VLDLR: variants seen among roughly 807,000 people sequenced by gnomAD.
The protein encoded by VLDLR is very low density lipoprotein receptor.
A neutral mutation model predicts 112.7 loss-of-function variants in VLDLR; 81 were observed. That is an observed-to-expected ratio of 0.72 (90% CI 0.60 to 0.86). VLDLR has a LOEUF of 0.86. Among genes scored for constraint, VLDLR ranks in the 40% least tolerant of loss-of-function variants. The probability of loss-of-function intolerance (pLI) is 0.00; values close to 1 mark genes in which losing one functional copy is unlikely to be tolerated. For missense variants in VLDLR, 1,237 were observed against 1,099.4 expected, an observed-to-expected ratio of 1.13 and a Z score of -1.77; for synonymous variants, 436 against 384.8, an observed-to-expected ratio of 1.13 and a Z score of -1.56.
rs34927281 is a variant in VLDLR, at chr9:2,656,446, AAAAAT to A, written c.*2583_*2587del. On this transcript the variant is annotated 3_prime_UTR_variant, in exon 19 of 19. Coordinates refer to ENST00000382100, the MANE Select transcript of VLDLR (RefSeq NM_003383.5). Reference sequence around the variant, plus strand: ...CTGTCTCTACAAAAAAAAAATTTATAAAAATAAAAGAAAAAAATAGTTATATGACT... The same window carrying A: ...CTGTCTCTACAAAAAAAAAATTTATAAAAAGAAAAAAATAGTTATATGACT... 75,953 of 151,164 alleles carry A rather than the reference AAAAAT, an allele frequency of 0.5. 20,083 individuals are homozygous for A. The highest frequency in any genetic ancestry group is 0.95 in the East Asian group (4,832 of 5,104). The allele number at this position is 151,164 out of a possible 1,614,324, so 9.4% of individuals were successfully genotyped here.
At chr9:2,647,922 C>G (rs1438812807) in intron 12 of VLDLR, among the ~76,000 whole-genome samples, 1 of 152,128 alleles carries the variant, frequency 6.6e-6, no homozygotes, top group East Asian at 1.9e-4. Flanking sequence ...TTTCTTCTGG[C>G]TTTTTGGAGG....
chr9:2,639,625 A>G (rs2130785200), intron 2 of VLDLR, among the ~76,000 whole-genome samples: 1 of 152,268 alleles, frequency 6.6e-6, no homozygotes, highest in East Asian at 1.9e-4. Flanking sequence ...ATAATGGGCA[A>G]CCTCTGTCTG....
At chr9:2,623,563 G>A (rs1225677375) in intron 1 of VLDLR, among the ~76,000 whole-genome samples, 2 of 152,228 alleles carry the variant, frequency 1.3e-5, no homozygotes, top group Non-Finnish European at 2.9e-5. Context: ...GGGTTTTTAC[G>A]TCTCCGAATG....
chr9:2,643,461 G>A lies in VLDLR; in HGVS notation c.750G>A (p.Glu250=), dbSNP rs1462054156. 1 of 1,614,086 alleles carries A rather than the reference G, an allele frequency of 6.2e-7. No individual in the cohort carries two copies. Among genetic ancestry groups the A allele is most frequent in the Non-Finnish European group, 8.5e-7 (1 of 1,180,044 alleles). Residue 250 remains glutamate (E), a synonymous_variant, in exon 5 of 19, where the codon GAG becomes GAA. Coordinates refer to ENST00000382100, the MANE Select transcript of VLDLR (RefSeq NM_003383.5). ...PASEIQCGSG[E]CIHKKWRCDG... ...GCGAAATCCAGTGCGGCTCTGGCGA[G>A]TGCATCCATAAGAAGTGGCGATGTG...
intron 4 of VLDLR, 106 bp from the exon 5 acceptor site, chr9:2,643,054 T>C (rs762249873): frequency 6.4e-7 from 1 of 1,550,652 alleles, no homozygotes; most frequent in Admixed American, 1.7e-5. Context: ...GTTGGGCTAG[T>C]AAGTTAGGAT....
chr9:2,631,716 T>C (rs1012771444), intron 1 of VLDLR, among the ~76,000 whole-genome samples: 1 of 152,134 alleles, frequency 6.6e-6, no homozygotes, highest in East Asian at 1.9e-4. Context: ...AAACCTACAG[T>C]AAGGTAGAAG....
chr9:2,649,259 G>A (rs560927206), intron 14 of VLDLR, among the ~76,000 whole-genome samples: 1 of 152,266 alleles, frequency 6.6e-6, no homozygotes, highest in African/African-American at 2.4e-5. Flanking sequence ...CAGGAGGGTT[G>A]GTGCCTCTTG....
intron 14 of VLDLR, 107 bp from the exon 15 acceptor site, chr9:2,650,263 T>A: frequency 7.1e-7 from 1 of 1,411,996 alleles, no homozygotes. Flanking sequence ...AGTAGACAAG[T>A]TTAAGCTCTT....
At position 2,658,275 on chromosome 9, in the gene VLDLR, T is replaced by G. The variant is rs1394636850; in HGVS notation, c.*4407T>G. On this transcript the variant is annotated 3_prime_UTR_variant, in exon 19 of 19. Transcript: ENST00000382100. ...TACTAACAAACTGATAACAGTGGTG[T>G]TCCATCTCTCTATCATGTCTCCTGA... The G allele has an allele frequency of 1.3e-5, 2 of 152,214 alleles. No individual in the cohort carries two copies. The highest frequency in any genetic ancestry group is 1.5e-5 in the Non-Finnish European group (1 of 68,046). The allele number at this position is 152,214 out of a possible 1,614,324, so 9.4% of individuals were successfully genotyped here. A position where few individuals can be genotyped will look rare whatever the true frequency, so the allele number is the denominator to read the frequency against.
chr9:2,656,617 T>C lies in VLDLR; in HGVS notation c.*2749T>C, dbSNP rs73382895. ...TGTCTCTAGAGTTCAATGTAGAAGA[T>C]AATTAAGAGGTAAAATATGAAGCTT... On this transcript the variant is annotated 3_prime_UTR_variant, in exon 19 of 19. Coordinates refer to ENST00000382100, the MANE Select transcript of VLDLR (RefSeq NM_003383.5). The C allele has an allele frequency of 9.7e-4, 148 of 152,218 alleles. No homozygotes were observed. Among genetic ancestry groups the C allele is most frequent in the African/African-American group, 3.4e-3 (140 of 41,542 alleles). 9.4% of individuals were successfully genotyped at this position (152,218 alleles called of 1,614,324 possible).
chr9:2,643,633 C>T lies in VLDLR; in HGVS notation c.826C>T (p.Arg276Ter), dbSNP rs955974361. 2.5e-6 allele frequency: 4 copies of T among 1,614,166 alleles called. No individual in the cohort carries two copies. Among genetic ancestry groups the T allele is most frequent in the Non-Finnish European group, 3.4e-6 (4 of 1,180,050 alleles). The change falls in exon 6 of 19, where the codon CGA becomes TGA. Residue 276 changes from arginine to a stop codon, truncating the protein, a stop_gained. Transcript: ENST00000382100. LOFTEE classifies it high-confidence loss of function. ...GGTGTTTCCTCCCTTTGTAGCCTCT[C>T]GAACTTGCCGACCTGACCAATTTGA... is the stretch of plus-strand genomic sequence containing the variant. ...DGSDEVNCPS[R>*]TCRPDQFECE...
intron 2 of VLDLR, among the ~76,000 whole-genome samples, chr9:2,636,645 G>C (rs1817608208): frequency 6.6e-6 from 1 of 152,292 alleles, no homozygotes; most frequent in East Asian, 1.9e-4. Flanking sequence ...CTTACATCCA[G>C]TCTCAGGACC....
At position 2,639,895 on chromosome 9, in the gene VLDLR, A is replaced by G; in HGVS notation, c.239A>G (p.Asn80Ser). The G allele has an allele frequency of 6.2e-7, 1 of 1,614,214 alleles. No homozygotes were observed. The highest frequency in any genetic ancestry group is 8.5e-7 in the Non-Finnish European group (1 of 1,180,048). ...TGTGCTGAATCTGACTTCGTGTGCA[A>G]CAATGGCCAGTGTGTTCCCAGCCGA... ...KTCAESDFVCNNGQCVPSRWK... is the reference protein window; with the variant it reads ...KTCAESDFVCSNGQCVPSRWK... The change falls in exon 3 of 19, where the codon AAC becomes AGC. Residue 80 changes from asparagine to serine, a missense_variant. Coordinates refer to ENST00000382100, the MANE Select transcript of VLDLR (RefSeq NM_003383.5).
In VLDLR at chr9:2,655,841, G is replaced by A. The variant is rs1305225493; in HGVS notation, c.*1973G>A. 2.0e-5 allele frequency: 3 copies of A among 152,154 alleles called. No individual in the cohort carries two copies. Among genetic ancestry groups the A allele is most frequent in the East Asian group, 3.9e-4 (2 of 5,184 alleles). The allele number at this position is 152,154 out of a possible 1,614,324, so 9.4% of individuals were successfully genotyped here. On this transcript the variant is annotated 3_prime_UTR_variant, in exon 19 of 19. Coordinates refer to ENST00000382100, the MANE Select transcript of VLDLR (RefSeq NM_003383.5). ...GAACAGGATGTGGCCTGCTGACAGT[G>A]AGTAGCTGAAGTGCCTGTTTGGTAA...
rs1005815415 is a variant in VLDLR at position 2,660,004 on chromosome 9, CTTT to C, written c.*6142_*6144del. On this transcript the variant is annotated 3_prime_UTR_variant, in exon 19 of 19. Transcript: ENST00000382100. ...AGAGTCCTGATGACCTGTCAATAAA[CTTT>C]TTTTTACTAATGAACTGTACATTTA... 1 of 152,022 alleles carries C rather than the reference CTTT, an allele frequency of 6.6e-6. No homozygotes were observed. The highest frequency in any genetic ancestry group is 1.5e-5 in the Non-Finnish European group (1 of 68,004). 9.4% of individuals were successfully genotyped at this position (152,022 alleles called of 1,614,324 possible). A position where few individuals can be genotyped will look rare whatever the true frequency, so the allele number is the denominator to read the frequency against.
chr9:2,638,391 G>A (rs1025663404), intron 2 of VLDLR, among the ~76,000 whole-genome samples: 2 of 152,162 alleles, frequency 1.3e-5, no homozygotes, highest in African/African-American at 4.8e-5. Context: ...CTTTAAACCA[G>A]TGATTTGAGA....
At position 2,652,650 on chromosome 9, in the gene VLDLR, G is replaced by C. The variant is rs536533506; in HGVS notation, c.2417-130G>C. On this transcript the variant is annotated intron_variant, in intron 17 of 18. Coordinates refer to ENST00000382100, the MANE Select transcript of VLDLR (RefSeq NM_003383.5). Reference sequence around the variant, plus strand: ...TGGCCCATGTGTATTCCAACTTCTAGTTATCCTAGCTCCATAAAACATGGC... The same window carrying C: ...TGGCCCATGTGTATTCCAACTTCTACTTATCCTAGCTCCATAAAACATGGC... 1.4e-4 allele frequency: 184 copies of C among 1,275,350 alleles called. No individual in the cohort carries two copies. The African/African-American group carries it at 2.4e-3, about 17-fold the overall frequency. The allele number at this position is 1,275,350 out of a possible 1,614,324, so 79.0% of individuals were successfully genotyped here. A position where few individuals can be genotyped will look rare whatever the true frequency, so the allele number is the denominator to read the frequency against.
intron 2 of VLDLR, among the ~76,000 whole-genome samples, chr9:2,637,554 C>G (rs1290508526): frequency 6.6e-6 from 1 of 152,182 alleles, no homozygotes; most frequent in Non-Finnish European, 1.5e-5. Context: ...AGAGAGAGAA[C>G]CATACGGCAA....
At chr9:2,637,984 C>G (rs1377083340) in intron 2 of VLDLR, among the ~76,000 whole-genome samples, 2 of 152,072 alleles carry the variant, frequency 1.3e-5, no homozygotes, top group African/African-American at 2.4e-5. Context: ...ATCAATCAAT[C>G]AATCATGGGG....
Sources: gnomAD v4.1 joint callset for allele counts (sites outside exome capture counted in the v4.1 genomes callset) on GRCh38, gnomAD v4.1.1 for gene constraint, MANE v1.5 for transcripts, NCBI Gene and HGNC (gene_info 2026-07-23, HGNC 2026-07-21) for gene names.